The following QKI variants were observed in gnomAD, a reference collection of about 807,000 sequenced individuals.
QKI encodes the protein QKI, KH domain containing RNA binding, also known as KH domain-containing RNA-binding protein QKI.
QKI carries 10 observed loss-of-function variants against 39.0 expected under a neutral mutation model. The ratio of observed to expected loss-of-function variants is 0.26; its 90% CI spans 0.16 to 0.43. The LOEUF (loss-of-function observed/expected upper bound fraction) is 0.43. Among genes scored for constraint, QKI ranks in the 20% least tolerant of loss-of-function variants. The probability of loss-of-function intolerance (pLI) is 1.00; values close to 1 mark genes in which losing one functional copy is unlikely to be tolerated. For synonymous variants in QKI, 204 were observed against 155.4 expected (o/e 1.31, Z -2.33); for missense variants, 218 against 428.0 (o/e 0.51, Z 4.33).
At chr6:163,468,878 T>A (rs1488479723) in intron 2 of QKI, among the ~76,000 whole-genome samples, 1 of 151,888 alleles carries the variant, frequency 6.6e-6, no homozygotes, top group Non-Finnish European at 1.5e-5. Context: ...TGGAAATTGG[T>A]TGCAGTAGAC....
chr6:163,459,639 A>C (rs924047728), intron 2 of QKI, among the ~76,000 whole-genome samples: 2 of 152,212 alleles, frequency 1.3e-5, no homozygotes, highest in African/African-American at 2.4e-5. Context: ...TTCTTTGTCT[A>C]TGAAGTTATA....
At chr6:163,561,768 T>C in intron 4 of QKI, among the ~76,000 whole-genome samples, 1 of 152,210 alleles carries the variant, frequency 6.6e-6, no homozygotes, top group East Asian at 1.9e-4. Flanking sequence ...AATTTACAAA[T>C]ACAATATGCT....
chr6:163,573,217 C>T lies in QKI; in HGVS notation c.*2507C>T, dbSNP rs1181757251. On this transcript the variant is annotated 3_prime_UTR_variant, in exon 8 of 8. Transcript: ENST00000361752. The stretch of plus-strand genomic sequence containing the variant: ...GAAAAAAGCATGACTTTTGAAATCT[C>T]TGAATGCCTTGGTTCTCAGTATTAT... 3 of 152,150 alleles carry T rather than the reference C, an allele frequency of 2.0e-5. No individual in the cohort carries two copies. Among genetic ancestry groups the T allele is most frequent in the African/African-American group, 7.2e-5 (3 of 41,444 alleles). 9.4% of individuals were successfully genotyped at this position (152,150 alleles called of 1,614,324 possible).
intron 2 of QKI, among the ~76,000 whole-genome samples, chr6:163,464,593 A>G (rs558208554): frequency 6.6e-6 from 1 of 152,322 alleles, no homozygotes; most frequent in South Asian, 2.1e-4. Context: ...ACTAGAAGAA[A>G]TGGATAAATT....
intron 2 of QKI, among the ~76,000 whole-genome samples, chr6:163,470,428 T>C (rs1444649262): frequency 6.6e-6 from 1 of 152,150 alleles, no homozygotes; most frequent in Non-Finnish European, 1.5e-5. Context: ...AGTAGGTGCC[T>C]GGCAGAAGCT....
At chr6:163,528,196 T>C (rs1780628369) in intron 3 of QKI, among the ~76,000 whole-genome samples, 1 of 152,150 alleles carries the variant, frequency 6.6e-6, no homozygotes, top group South Asian at 2.1e-4. Flanking sequence ...CATCTACCCC[T>C]TTATCTGCCT....
At chr6:163,415,513 G>GGGCC (rs1426978348) in intron 1 of QKI, among the ~76,000 whole-genome samples, 178 bp downstream of exon 1, 1 of 149,904 alleles carries the variant, frequency 6.7e-6, no homozygotes, top group African/African-American at 2.4e-5. Flanking sequence ...GCGGGCGGGC[G>GGGCC]GGCCGGGGTG....
At chr6:163,478,504 T>G (rs181925688) in intron 2 of QKI, among the ~76,000 whole-genome samples, 138 of 152,302 alleles carry the variant, frequency 9.1e-4, no homozygotes, top group African/African-American at 3.2e-3. Flanking sequence ...CTGTTTTAGG[T>G]TATTTGTTGA....
intron 1 of QKI, among the ~76,000 whole-genome samples, chr6:163,420,047 A>G (rs764092233): frequency 1.6e-4 from 25 of 152,086 alleles, no homozygotes; most frequent in Non-Finnish European, 3.2e-4. Context: ...AAAGAAGTGA[A>G]GTATAATAAA....
chr6:163,545,391 T>TA (rs1233044146), intron 4 of QKI, among the ~76,000 whole-genome samples: 2 of 152,130 alleles, frequency 1.3e-5, no homozygotes, highest in African/African-American at 4.8e-5. Context: ...TGACATTCCA[T>TA]ACAGACAGAT....
chr6:163,488,466 G>A (rs1327216226), intron 3 of QKI, among the ~76,000 whole-genome samples: 1 of 152,036 alleles, frequency 6.6e-6, no homozygotes, highest in African/African-American at 2.4e-5. Flanking sequence ...ATTAAATTTA[G>A]GACTATAATG....
rs1253410995 is a variant in QKI at position 163,574,900 on chromosome 6, G to A, written c.*4190G>A. 2.0e-5 allele frequency: 3 copies of A among 152,164 alleles called. No individual in the cohort carries two copies. The highest frequency in any genetic ancestry group is 4.4e-5 in the Non-Finnish European group (3 of 68,032). 9.4% of individuals were successfully genotyped at this position (152,164 alleles called of 1,614,324 possible). ...ATGACATGTAATAGAAGACAAAACTGTACCAATACGCTGTTAACCAATCAG... is the reference window on the plus strand; with the variant it reads ...ATGACATGTAATAGAAGACAAAACTATACCAATACGCTGTTAACCAATCAG... On this transcript the variant is annotated 3_prime_UTR_variant, in exon 8 of 8. Transcript: ENST00000361752.
intron 3 of QKI, among the ~76,000 whole-genome samples, chr6:163,496,966 T>C (rs1286170005): frequency 6.6e-6 from 1 of 152,168 alleles, no homozygotes. Flanking sequence ...TAAGGGAATA[T>C]GTTCATTGAG....
intron 1 of QKI, among the ~76,000 whole-genome samples, chr6:163,454,387 T>G (rs1256440975): frequency 2.0e-5 from 3 of 152,218 alleles, no homozygotes; most frequent in Admixed American, 6.5e-5. Flanking sequence ...TATTGCTACT[T>G]CCTTTTTTAT....
At position 163,458,769 on chromosome 6, in the gene QKI, T is replaced by C. The variant is rs143770214; in HGVS notation, c.285+3348T>C. ...GCTAATATGAATAGGCCACTGAAAA[T>C]GTATTAAAATTTTCACAGAATTAAT... On this transcript the variant is annotated intron_variant, in intron 2 of 7. Transcript: ENST00000361752. 2.3e-3 allele frequency among the ~76,000 whole-genome samples: 353 copies of C among 152,318 alleles called. 2 individuals carry two copies. Among genetic ancestry groups the C allele is most frequent in the African/African-American group, 8.0e-3 (332 of 41,560 alleles).
At chr6:163,565,813 T>G in intron 6 of QKI, 1 of 1,360,520 alleles carries the variant, frequency 7.4e-7, no homozygotes, top group Non-Finnish European at 9.6e-7. Context: ...ACATCTCACA[T>G]TAAATTATTT....
chr6:163,512,924 T>C (rs1197273743), intron 3 of QKI, among the ~76,000 whole-genome samples: 1 of 152,112 alleles, frequency 6.6e-6, no homozygotes, highest in Non-Finnish European at 1.5e-5. Flanking sequence ...AATTAATAAA[T>C]AGAAAATGTA....
rs778589025 is a variant in QKI at position 163,476,277 on chromosome 6, G to GTT, written c.286-2487_286-2486dup. On this transcript the variant is annotated intron_variant, in intron 2 of 7. Transcript: ENST00000361752. ...AAATAATTTAACACTATGTACTAAAGTTTTTTTTTTTTTTTTTAAATCATC... is the reference window on the plus strand; with the variant it reads ...AAATAATTTAACACTATGTACTAAAGTTTTTTTTTTTTTTTTTTTAAATCATC... Among the ~76,000 whole-genome samples, 713 of 136,604 alleles carry GTT rather than the reference G, an allele frequency of 5.2e-3. 4 individuals carry two copies. Among genetic ancestry groups the GTT allele is most frequent in the African/African-American group, 0.017 (658 of 37,828 alleles). The allele number at this position is 136,604 out of a possible 152,430, so 89.6% of individuals were successfully genotyped here. A position where few individuals can be genotyped will look rare whatever the true frequency, so the allele number is the denominator to read the frequency against.
chr6:163,419,704 G>A (rs1787837429), intron 1 of QKI, among the ~76,000 whole-genome samples: 1 of 152,160 alleles, frequency 6.6e-6, no homozygotes, highest in South Asian at 2.1e-4. Context: ...TTCCCCTGTA[G>A]GTGGAACGTG....
Sources: allele counts gnomAD v4.1 joint callset (sites outside exome capture counted in the v4.1 genomes callset), GRCh38; gene constraint gnomAD v4.1.1; transcripts MANE v1.5; gene names NCBI Gene and HGNC (gene_info 2026-07-23, HGNC 2026-07-21).